Variants in ETV6 observed in about 807,000 individuals in gnomAD.
ETV6 encodes ETS variant transcription factor 6, also known as transcription factor ETV6.
Under a neutral mutation model 51.1 loss-of-function variants are expected in ETV6, and 16 were observed. The observed-to-expected ratio is 0.31, with a 90% CI of 0.21 to 0.48. The LOEUF (loss-of-function observed/expected upper bound fraction) is 0.48, where lower values mean the gene tolerates loss of function less well. Among genes scored for constraint, ETV6 ranks in the 20% least tolerant of loss-of-function variants. ETV6 has a pLI of 0.99. For synonymous variants in ETV6, 240 were observed against 224.1 expected, an observed-to-expected ratio of 1.07 and a Z score of -0.64; for missense variants, 458 against 594.8, an observed-to-expected ratio of 0.77 and a Z score of 2.39.
chr12:11,779,864 G>T (rs1264435010), intron 2 of ETV6, among the ~76,000 whole-genome samples: 1 of 152,192 alleles, frequency 6.6e-6, no homozygotes, highest in African/African-American at 2.4e-5. Context: ...GAGAATTGCT[G>T]AGAAGTAACC....
At chr12:11,698,946 T>G (rs964398890) in intron 1 of ETV6, among the ~76,000 whole-genome samples, 38 of 152,186 alleles carry the variant, frequency 2.5e-4, no homozygotes, top group African/African-American at 8.4e-4. Flanking sequence ...TGCCTAAAGT[T>G]CACAGACAGA....
At chr12:11,766,748 C>T (rs974847752) in intron 2 of ETV6, among the ~76,000 whole-genome samples, 13 of 151,462 alleles carry the variant, frequency 8.6e-5, no homozygotes, top group Admixed American at 1.3e-4. Context: ...TGATTGAAGA[C>T]GTCTTCAGCA....
intron 2 of ETV6, among the ~76,000 whole-genome samples, chr12:11,773,411 G>A (rs1201326315): frequency 6.6e-6 from 1 of 151,970 alleles, no homozygotes; most frequent in Non-Finnish European, 1.5e-5. Flanking sequence ...ACATGATGTC[G>A]GAATGAACAA....
intron 1 of ETV6, among the ~76,000 whole-genome samples, chr12:11,674,328 C>A (rs1304278557): frequency 6.6e-6 from 1 of 152,030 alleles, no homozygotes; most frequent in Non-Finnish European, 1.5e-5. Flanking sequence ...GAGCAGATGG[C>A]CAGCCAGTGA....
At chr12:11,754,366 C>G (rs746798143) in intron 2 of ETV6, among the ~76,000 whole-genome samples, 3 of 152,130 alleles carry the variant, frequency 2.0e-5, no homozygotes, top group Non-Finnish European at 4.4e-5. Flanking sequence ...TCTTTCATAA[C>G]GTTTTATTCC....
chr12:11,737,503 C>T (rs1865726454), intron 1 of ETV6, among the ~76,000 whole-genome samples: 1 of 152,188 alleles, frequency 6.6e-6, no homozygotes. Flanking sequence ...GTAGATGAGA[C>T]ACGTTAGAGG....
chr12:11,874,684 G>GTATATATGTGTGTATATATGTA (rs148307389), intron 5 of ETV6, among the ~76,000 whole-genome samples: 822 of 14,130 alleles, frequency 0.058, 356 homozygotes, highest in African/African-American at 0.083. Flanking sequence ...GTGTATATAT[G>GTATATATGTGTGTATATATGTA]TATATGTGTG....
At chr12:11,743,535 C>T (rs1048072350) in intron 1 of ETV6, among the ~76,000 whole-genome samples, 5 of 152,090 alleles carry the variant, frequency 3.3e-5, no homozygotes, top group African/African-American at 9.7e-5. Context: ...CTGCCTAGAG[C>T]CTGGGCCAGC....
chr12:11,865,452 G>A (rs1465933427), intron 4 of ETV6, among the ~76,000 whole-genome samples: 1 of 151,466 alleles, frequency 6.6e-6, no homozygotes. Flanking sequence ...CATTGCAGAT[G>A]GTTAACGTAT....
chr12:11,760,878 A>ATATGTGTG lies in ETV6; in HGVS notation c.163+8300_163+8301insATGTGTGT, dbSNP rs1337448290. On this transcript the variant is annotated intron_variant, in intron 2 of 7. Coordinates refer to ENST00000396373, the MANE Select transcript of ETV6 (RefSeq NM_001987.5). ...AATGATCACTACTATTATTATATAT[A>ATATGTGTG]TGTGTGTGTGTGTGTGTGTGTGTGT... Among the ~76,000 whole-genome samples the ATATGTGTG allele has an allele frequency of 3.3e-4, 49 of 148,522 alleles. 1 individual carries two copies. The highest frequency in any genetic ancestry group is 2.5e-4 in the Non-Finnish European group (17 of 67,258).
At position 11,892,394 on chromosome 12, in the gene ETV6, G is replaced by C. The variant is rs1591756423; in HGVS notation, c.*1348G>C. On this transcript the variant is annotated 3_prime_UTR_variant, in exon 8 of 8. Coordinates refer to ENST00000396373, the MANE Select transcript of ETV6 (RefSeq NM_001987.5). ...TATTTTTTCTTTCTTTCATAGCTGTGTCTCAGAAAGGACCCATTTGTGGCT... is the reference window on the plus strand; with the variant it reads ...TATTTTTTCTTTCTTTCATAGCTGTCTCTCAGAAAGGACCCATTTGTGGCT... 2.1e-5 allele frequency: 5 copies of C among 232,764 alleles called. No homozygotes were observed. In the East Asian group the frequency reaches 3.0e-4, roughly 14 times the overall value. The allele number at this position is 232,764 out of a possible 1,614,324, so 14.4% of individuals were successfully genotyped here.
At chr12:11,750,365 G>A (rs1865997924) in intron 1 of ETV6, among the ~76,000 whole-genome samples, 1 of 152,244 alleles carries the variant, frequency 6.6e-6, no homozygotes, top group African/African-American at 2.4e-5. Context: ...GGAGGGCCGG[G>A]TTTCTCCCAG....
intron 1 of ETV6, among the ~76,000 whole-genome samples, chr12:11,675,343 C>G (rs1237955308): frequency 6.6e-6 from 1 of 152,206 alleles, no homozygotes; most frequent in East Asian, 1.9e-4. Context: ...TATAGTTATC[C>G]TAATACATAT....
chr12:11,751,735 TTGAA>T (rs373136906), intron 1 of ETV6: 280 of 396,954 alleles, frequency 7.1e-4, no homozygotes, highest in African/African-American at 5.5e-3. Flanking sequence ...AGATAATTCT[TTGAA>T]TGAACTATGA....
intron 5 of ETV6, among the ~76,000 whole-genome samples, chr12:11,877,955 G>A (rs1423045528): frequency 6.6e-6 from 1 of 152,214 alleles, no homozygotes; most frequent in East Asian, 1.9e-4. Context: ...GGGACTGTGT[G>A]GGAGCTGTGG....
At chr12:11,677,826 A>G (rs1200756556) in intron 1 of ETV6, among the ~76,000 whole-genome samples, 2 of 152,214 alleles carry the variant, frequency 1.3e-5, no homozygotes, top group Non-Finnish European at 2.9e-5. Flanking sequence ...AGCATCTACC[A>G]TGATAATGTT....
At chr12:11,769,980 A>G (rs1366833677) in intron 2 of ETV6, among the ~76,000 whole-genome samples, 1 of 152,158 alleles carries the variant, frequency 6.6e-6, no homozygotes, top group Admixed American at 6.5e-5. Flanking sequence ...CAGACAGAGG[A>G]GTCACAGGCT....
In ETV6 at chr12:11,895,299, AC is replaced by A. The variant is rs1370012405; in HGVS notation, c.*4254del. The A allele has an allele frequency of 3.0e-5, 7 of 231,750 alleles. No homozygotes were observed. Among genetic ancestry groups the A allele is most frequent in the African/African-American group, 1.6e-4 (7 of 45,036 alleles). 14.4% of individuals were successfully genotyped at this position (231,750 alleles called of 1,614,324 possible). A position where few individuals can be genotyped will look rare whatever the true frequency, so the allele number is the denominator to read the frequency against. On this transcript the variant is annotated 3_prime_UTR_variant, in exon 8 of 8. Transcript: ENST00000396373. ...GAATGTAACAAAAAAGAAAAAAAAA[AC>A]AAAAAAAAATGCCTTTTCTCAGGGC...
At chr12:11,652,168 T>G (rs1342020218) in intron 1 of ETV6, among the ~76,000 whole-genome samples, 1 of 152,244 alleles carries the variant, frequency 6.6e-6, no homozygotes, top group East Asian at 1.9e-4. Flanking sequence ...GATTTAATGT[T>G]CTTTACCAGA....
Sources: gnomAD v4.1 joint callset for allele counts (sites outside exome capture counted in the v4.1 genomes callset) on GRCh38, gnomAD v4.1.1 for gene constraint, MANE v1.5 for transcripts, NCBI Gene and HGNC (gene_info 2026-07-23, HGNC 2026-07-21) for gene names.